The following DNM2 variants were observed in gnomAD, a reference collection of about 807,000 sequenced individuals.
The protein encoded by DNM2 is dynamin 2, also known as dynamin-2.
In DNM2, 15 loss-of-function variants were observed where a neutral mutation model predicts 99.0. The observed-to-expected ratio is 0.15, with a 90% CI of 0.10 to 0.23. The LOEUF (loss-of-function observed/expected upper bound fraction) is 0.23, where lower values mean the gene tolerates loss of function less well. Ranked by LOEUF, DNM2 falls within the 10% of genes least tolerant of loss-of-function variation. The pLI, the probability that DNM2 is intolerant of heterozygous loss-of-function variation, is 1.00. For synonymous variants in DNM2, 525 were observed against 481.2 expected, an observed-to-expected ratio of 1.09 and a Z score of -1.19; for missense variants, 742 against 1,189.4, an observed-to-expected ratio of 0.62 and a Z score of 5.53.
chr19:10,807,470 G>A (rs540791207), intron 13 of DNM2, among the ~76,000 whole-genome samples: 517 of 149,944 alleles, frequency 3.4e-3, no homozygotes, highest in African/African-American at 0.011. Flanking sequence ...TCAAACTCCT[G>A]ACCTGGTGAT....
At chr19:10,789,900 C>G (rs2078295858) in intron 7 of DNM2, among the ~76,000 whole-genome samples, 1 of 152,216 alleles carries the variant, frequency 6.6e-6, no homozygotes, top group South Asian at 2.1e-4. Context: ...TATGGCAGGA[C>G]TGGGCCAGGG....
intron 1 of DNM2, among the ~76,000 whole-genome samples, chr19:10,728,308 T>C (rs1011321516): frequency 6.6e-6 from 1 of 152,174 alleles, no homozygotes; most frequent in African/African-American, 2.4e-5. Flanking sequence ...GTAGAGAAAC[T>C]GAGGCCAGAG....
chr19:10,823,689 T>C, intron 16 of DNM2, 99 bp from the exon 17 acceptor site: 1 of 1,250,094 alleles, frequency 8.0e-7, no homozygotes, highest in South Asian at 1.2e-5. Context: ...TTTGGGTTCC[T>C]GATCAGTCAG....
rs143288047 is a variant in DNM2, at chr19:10,732,676, C to T, written c.161+14273C>T. 2.1e-3 allele frequency among the ~76,000 whole-genome samples: 325 copies of T among 152,070 alleles called. 5 individuals carry two copies. Among genetic ancestry groups the T allele is most frequent in the African/African-American group, 7.5e-3 (312 of 41,504 alleles). ...TGGGTGTCCTTTGCATGGGAACGAC[C>T]TCTAGCAGTCTGTGGCTCTTGCCAG... On this transcript the variant is annotated intron_variant, in intron 1 of 20. Transcript: ENST00000389253.
chr19:10,827,532 G>A (rs2073181850), intron 18 of DNM2, among the ~76,000 whole-genome samples: 1 of 151,914 alleles, frequency 6.6e-6, no homozygotes, highest in African/African-American at 2.4e-5. Context: ...TCGCTCCACT[G>A]CATTCCAGCC....
chr19:10,830,547 C>A lies in DNM2; in HGVS notation c.2543+169C>A. The stretch of plus-strand genomic sequence containing the variant: ...AAACAGGCCCAGAGAGGCCAAGAGG[C>A]TTGTTCAGTGTCACAGAGTAGCGGA... On this transcript the variant is annotated intron_variant, in intron 20 of 20. Transcript: ENST00000389253. This position sits in a 1 kb window ranked among gnomAD's most constrained non-coding sequence, Gnocchi z 4.8. 1 of 820,814 alleles carries A rather than the reference C, an allele frequency of 1.2e-6. No homozygotes were observed. Among genetic ancestry groups the A allele is most frequent in the Non-Finnish European group, 1.9e-6 (1 of 533,566 alleles). The allele number at this position is 820,814 out of a possible 1,614,324, so 50.8% of individuals were successfully genotyped here.
intron 1 of DNM2, among the ~76,000 whole-genome samples, chr19:10,745,633 G>A (rs1212120247): frequency 6.6e-6 from 1 of 152,188 alleles, no homozygotes; most frequent in Non-Finnish European, 1.5e-5. Flanking sequence ...GGAGTTTGAG[G>A]CTGCAGTCAG....
chr19:10,797,264 A>G (rs969904594), intron 9 of DNM2, 116 bp from the exon 10 acceptor site: 29 of 1,459,478 alleles, frequency 2.0e-5, no homozygotes, highest in Middle Eastern at 4.7e-4. Context: ...TCCCCCATGC[A>G]TGGACTAATC....
chr19:10,827,393 A>C (rs2073174812), intron 18 of DNM2, among the ~76,000 whole-genome samples: 1 of 152,152 alleles, frequency 6.6e-6, no homozygotes, highest in South Asian at 2.1e-4. Context: ...ATCCATTTTT[A>C]ATAGACTCTT....
intron 15 of DNM2, among the ~76,000 whole-genome samples, chr19:10,814,677 A>T (rs564115688): frequency 6.6e-6 from 1 of 150,810 alleles, no homozygotes; most frequent in East Asian, 1.9e-4. Context: ...CCGCTCTTCT[A>T]CCTTTTATTT....
Position 10,718,328 on chromosome 19 carries a change from T to G in DNM2, c.86T>G (p.Leu29Arg). 1.3e-6 allele frequency: 2 copies of G among 1,516,096 alleles called. No homozygotes were observed. Among genetic ancestry groups the G allele is most frequent in the Non-Finnish European group, 1.8e-6 (2 of 1,134,080 alleles). 93.9% of individuals were successfully genotyped at this position (1,516,096 alleles called of 1,614,324 possible). ...AGCTCCATCGGCCAGAGCTGCCACC[T>G]GGACCTGCCGCAGATCGCTGTAGTG... ...AFSSIGQSCH[L>R]DLPQIAVVGG... Residue 29 changes from leucine to arginine, a missense_variant, in exon 1 of 21, where the codon CTG becomes CGG. Leu to Arg is a moderately radical substitution (Grantham distance 102). Around this residue, in one of 7 missense-constraint regions of DNM2, gnomAD observed 52 missense variants for 46.1 expected, o/e 1.13. Transcript: ENST00000389253.
At chr19:10,803,936 G>A (rs2072246137) in intron 12 of DNM2, among the ~76,000 whole-genome samples, 1 of 152,178 alleles carries the variant, frequency 6.6e-6, no homozygotes, top group Non-Finnish European at 1.5e-5. Context: ...AGAGGGTAGG[G>A]GATAGACTAT....
At position 10,775,135 on chromosome 19, in the gene DNM2, G is replaced by A. The variant is rs1030243860; in HGVS notation, c.386-568G>A. Reference sequence around the variant, plus strand: ...CTTGCTCTGTCGCCCAGGCTGGAGTGCAGTGGTATGATCTCAGCTCACTGC... The same window carrying A: ...CTTGCTCTGTCGCCCAGGCTGGAGTACAGTGGTATGATCTCAGCTCACTGC... On this transcript the variant is annotated intron_variant, in intron 3 of 20. Coordinates refer to ENST00000389253, the MANE Select transcript of DNM2 (RefSeq NM_001005361.3). The surrounding 1 kb of genome is among the most constrained non-coding windows in gnomAD (Gnocchi z 4.3). Among the ~76,000 whole-genome samples the A allele has an allele frequency of 1.3e-5, 2 of 151,994 alleles. No homozygotes were observed. Among genetic ancestry groups the A allele is most frequent in the Admixed American group, 6.6e-5 (1 of 15,238 alleles).
chr19:10,732,531 C>T lies in DNM2; in HGVS notation c.161+14128C>T, dbSNP rs1222758512. On this transcript the variant is annotated intron_variant, in intron 1 of 20. Coordinates refer to ENST00000389253, the MANE Select transcript of DNM2 (RefSeq NM_001005361.3). ...AAGAGAATGGTGTGAACCCAGGAGGCGGAGCTTGCAGTGAGCCGAGATCGC... is the reference window on the plus strand; with the variant it reads ...AAGAGAATGGTGTGAACCCAGGAGGTGGAGCTTGCAGTGAGCCGAGATCGC... 5.3e-5 allele frequency among the ~76,000 whole-genome samples: 8 copies of T among 151,588 alleles called. 1 individual carries two copies. In the South Asian group the frequency reaches 6.2e-4, roughly 12 times the overall value.
At position 10,820,350 on chromosome 19, in the gene DNM2, A is replaced by G. The variant is rs2072933334; in HGVS notation, c.1781+261A>G. ...GGGAGCCATGGAGAGTTCTGAGCAC[A>G]GGGTGACCAGGACCTGGCTCAGGTG... is the stretch of plus-strand genomic sequence containing the variant. On this transcript the variant is annotated intron_variant, in intron 16 of 20. Transcript: ENST00000389253. This position sits in a 1 kb window ranked among gnomAD's most constrained non-coding sequence, Gnocchi z 4.3. Among the ~76,000 whole-genome samples the G allele has an allele frequency of 6.6e-6, 1 of 152,250 alleles. No individual in the cohort carries two copies. The highest frequency in any genetic ancestry group is 2.4e-5 in the African/African-American group (1 of 41,462).
intron 18 of DNM2, among the ~76,000 whole-genome samples, chr19:10,828,061 G>A (rs1479061069): frequency 6.6e-6 from 1 of 152,074 alleles, no homozygotes; most frequent in Non-Finnish European, 1.5e-5. Context: ...GGCCAAGGCG[G>A]GTGGATCACC....
At position 10,772,770 on chromosome 19, in the gene DNM2, GAT is replaced by G. The variant is rs765064989; in HGVS notation, c.385+143_385+144del. ...GATATTCACACACACATAGCCCCTT[GAT>G]CTGTATCTTCCCACTTGTGCTAGGT... On this transcript the variant is annotated intron_variant, in intron 3 of 20. Coordinates refer to ENST00000389253, the MANE Select transcript of DNM2 (RefSeq NM_001005361.3). This position sits in a 1 kb window ranked among gnomAD's most constrained non-coding sequence, Gnocchi z 4.9. The G allele has an allele frequency of 2.2e-4, 291 of 1,300,236 alleles. No homozygotes were observed. The highest frequency in any genetic ancestry group is 3.0e-4 in the Non-Finnish European group (275 of 932,090). 80.5% of individuals were successfully genotyped at this position (1,300,236 alleles called of 1,614,324 possible).
chr19:10,736,602 T>TTTTG (rs372669018), intron 1 of DNM2, among the ~76,000 whole-genome samples: 3 of 150,362 alleles, frequency 2.0e-5, no homozygotes, highest in South Asian at 4.1e-4. Context: ...GGTATTAGTT[T>TTTTG]TTTGTTTGTT....
intron 1 of DNM2, among the ~76,000 whole-genome samples, chr19:10,741,366 G>A (rs1555699344): frequency 2.0e-5 from 3 of 151,918 alleles, no homozygotes; most frequent in Non-Finnish European, 4.4e-5. Flanking sequence ...CGAGTAGCTG[G>A]GACCACAGGC....
Sources: allele counts gnomAD v4.1 joint callset (sites outside exome capture counted in the v4.1 genomes callset), GRCh38; gene constraint gnomAD v4.1.1; regional missense constraint gnomAD v4.1.1; non-coding constraint Gnocchi (gnomAD v3.1); transcripts MANE v1.5; gene names NCBI Gene and HGNC (gene_info 2026-07-23, HGNC 2026-07-21).